The following FILIP1L variants were observed in gnomAD, a reference collection of about 807,000 sequenced individuals.
FILIP1L encodes the protein filamin A-interacting protein 1-like.
In FILIP1L, 55 loss-of-function variants were observed where a neutral mutation model predicts 96.6. The observed-to-expected ratio is 0.57, with a 90% CI of 0.46 to 0.71. FILIP1L has a LOEUF of 0.71. FILIP1L is among the 30% of genes least tolerant of loss of function. The pLI is 0.00. For synonymous variants in FILIP1L, 467 were observed against 473.9 expected, an observed-to-expected ratio of 0.99 and a Z score of 0.19; for missense variants, 1,304 against 1,321.2, an observed-to-expected ratio of 0.99 and a Z score of 0.20.
intron 1 of FILIP1L, among the ~76,000 whole-genome samples, chr3:99,953,497 G>A (rs1240649195): frequency 6.6e-6 from 1 of 152,136 alleles, no homozygotes; most frequent in East Asian, 1.9e-4. Context: ...TCCTAGGAAG[G>A]TGGCAGTTGA....
At chr3:99,889,557 A>C (rs938537612) in intron 4 of FILIP1L, among the ~76,000 whole-genome samples, 1 of 151,950 alleles carries the variant, frequency 6.6e-6, no homozygotes, top group Non-Finnish European at 1.5e-5. Flanking sequence ...TTTTAGCAGG[A>C]TCATTTTGTC....
intron 1 of FILIP1L, among the ~76,000 whole-genome samples, chr3:100,019,922 G>A (rs2064777161): frequency 6.6e-6 from 1 of 152,142 alleles, no homozygotes; most frequent in Non-Finnish European, 1.5e-5. Flanking sequence ...TGGCTAGAAT[G>A]AGATTGAGGG....
At chr3:99,884,737 T>G (rs1705838047) in intron 4 of FILIP1L, among the ~76,000 whole-genome samples, 1 of 152,262 alleles carries the variant, frequency 6.6e-6, no homozygotes, top group Non-Finnish European at 1.5e-5. Context: ...CTATTGCCTA[T>G]TGACTGTTAG....
intron 1 of FILIP1L, among the ~76,000 whole-genome samples, chr3:99,981,176 A>C (rs1709112686): frequency 6.6e-6 from 1 of 152,180 alleles, no homozygotes; most frequent in African/African-American, 2.4e-5. Context: ...TGGTGCCAAT[A>C]GTTCTTTGAC....
intron 4 of FILIP1L, among the ~76,000 whole-genome samples, chr3:99,877,851 A>G (rs765069770): frequency 8.5e-5 from 13 of 152,174 alleles, no homozygotes; most frequent in Non-Finnish European, 1.6e-4. Context: ...CTGATAGCAT[A>G]CTTTTACCCC....
intron 4 of FILIP1L, among the ~76,000 whole-genome samples, chr3:99,883,637 ATGT>A (rs2107605280): frequency 6.6e-6 from 1 of 152,226 alleles, no homozygotes; most frequent in South Asian, 2.1e-4. Context: ...GCACACCCAA[ATGT>A]TGTCATCATG....
intron 4 of FILIP1L, among the ~76,000 whole-genome samples, chr3:99,901,911 G>GT (rs1706451107): frequency 1.3e-5 from 2 of 152,034 alleles, no homozygotes; most frequent in Admixed American, 6.6e-5. Context: ...TCAGCATAAT[G>GT]TTTTTTGTGT....
At chr3:99,943,493 C>T (rs1172516286) in intron 1 of FILIP1L, among the ~76,000 whole-genome samples, 1 of 152,114 alleles carries the variant, frequency 6.6e-6, no homozygotes, top group African/African-American at 2.4e-5. Flanking sequence ...CATCTGAGGT[C>T]AGGAGTTTGA....
chr3:100,014,888 TTTCTTTC>T (rs1710283452), intron 1 of FILIP1L, among the ~76,000 whole-genome samples: 3 of 109,092 alleles, frequency 2.7e-5, no homozygotes, highest in Admixed American at 1.0e-4. Flanking sequence ...TTTTTTTTTC[TTTCTTTC>T]TTTTTTTTTT....
chr3:99,908,480 T>C (rs1706691353), intron 4 of FILIP1L, among the ~76,000 whole-genome samples: 1 of 152,194 alleles, frequency 6.6e-6, no homozygotes, highest in Non-Finnish European at 1.5e-5. Flanking sequence ...GAATCTATAC[T>C]TTTAAGTGTC....
At chr3:100,086,883 C>T (rs4928152) in intron 1 of FILIP1L, among the ~76,000 whole-genome samples, 7,076 of 152,192 alleles carry the variant, frequency 0.046, 249 homozygotes, top group South Asian at 0.075. Flanking sequence ...TATTCTCAAC[C>T]CCTAGTAACT....
intron 4 of FILIP1L, among the ~76,000 whole-genome samples, chr3:99,851,828 T>C (rs1202270428): frequency 6.6e-6 from 1 of 152,216 alleles, no homozygotes; most frequent in East Asian, 1.9e-4. Flanking sequence ...TAGGAACTAC[T>C]TCACATATAT....
intron 4 of FILIP1L, among the ~76,000 whole-genome samples, chr3:99,922,628 T>A (rs938977308): frequency 1.1e-4 from 16 of 152,234 alleles, no homozygotes; most frequent in African/African-American, 3.9e-4. Flanking sequence ...TTGGAAGTAG[T>A]TGAATAAGCC....
chr3:100,053,924 A>G (rs551971678), intron 1 of FILIP1L, among the ~76,000 whole-genome samples: 6 of 152,310 alleles, frequency 3.9e-5, no homozygotes, highest in African/African-American at 1.2e-4. Context: ...ATTGCATCCA[A>G]GTGTTTCCAA....
intron 1 of FILIP1L, among the ~76,000 whole-genome samples, chr3:100,075,335 C>T (rs554762868): frequency 1.3e-5 from 2 of 152,350 alleles, no homozygotes; most frequent in Admixed American, 1.3e-4. Context: ...AGACAACCCA[C>T]AGTCTGGTTC....
intron 4 of FILIP1L, among the ~76,000 whole-genome samples, chr3:99,853,306 CCT>C (rs1943796821): frequency 2.6e-5 from 4 of 152,104 alleles, no homozygotes; most frequent in Admixed American, 2.0e-4. Context: ...ATATTTTTCC[CCT>C]CTCTACACCA....
intron 1 of FILIP1L, among the ~76,000 whole-genome samples, chr3:100,108,664 C>T (rs994573392): frequency 4.6e-5 from 7 of 152,064 alleles, no homozygotes; most frequent in East Asian, 3.9e-4. Flanking sequence ...GTTACAATTC[C>T]GAGATCAACA....
At chr3:100,028,665 T>C (rs1416610937) in intron 1 of FILIP1L, among the ~76,000 whole-genome samples, 1 of 152,198 alleles carries the variant, frequency 6.6e-6, no homozygotes, top group Non-Finnish European at 1.5e-5. Flanking sequence ...AATAATGGAA[T>C]AGCATTTTTT....
intron 1 of FILIP1L, among the ~76,000 whole-genome samples, chr3:99,966,817 A>G (rs1394963877): frequency 3.9e-5 from 6 of 152,216 alleles, no homozygotes; most frequent in Admixed American, 2.0e-4. Flanking sequence ...AATTAATTCA[A>G]CAGAGCATGC....
Sources: allele counts gnomAD v4.1 joint callset (sites outside exome capture counted in the v4.1 genomes callset), GRCh38; gene constraint gnomAD v4.1.1; transcripts MANE v1.5; gene names NCBI Gene and HGNC (gene_info 2026-07-23, HGNC 2026-07-21).